The following DRD2 variants were observed in gnomAD, a reference collection of about 807,000 sequenced individuals.
DRD2 encodes dopamine receptor D2, also known as D(2) dopamine receptor.
In DRD2, 8 loss-of-function variants were observed where a neutral mutation model predicts 38.0. The observed-to-expected ratio is 0.21, with a 90% CI of 0.12 to 0.38. The LOEUF is 0.38. Among genes scored for constraint, DRD2 ranks in the 10% least tolerant of loss-of-function variants. The pLI is 1.00. For missense variants in DRD2, 403 were observed against 607.7 expected (o/e 0.66, Z 3.54); for synonymous variants, 230 against 238.6 (o/e 0.96, Z 0.33).
At chr11:113,466,116 C>T (rs1050392448) in intron 1 of DRD2, among the ~76,000 whole-genome samples, 1 of 152,192 alleles carries the variant, frequency 6.6e-6, no homozygotes, top group Non-Finnish European at 1.5e-5. Flanking sequence ...AGATCTGATC[C>T]TGCATTAGCC....
At chr11:113,414,344 C>G (rs189493022) in intron 6 of DRD2, 31 bp downstream of exon 6, 1 of 1,603,586 alleles carries the variant, frequency 6.2e-7, no homozygotes. Flanking sequence ...GCAGAAAGAC[C>G]TGGCTCTGGG....
Position 113,414,480 on chromosome 11 carries a change from C to A in DRD2, c.724-19G>T. 6.2e-7 allele frequency: 1 copy of A among 1,613,908 alleles called. No homozygotes were observed. The highest frequency in any genetic ancestry group is 8.5e-7 in the Non-Finnish European group (1 of 1,179,884). Reference sequence around the variant, plus strand: ...AGTTGCCCTGTGGAGTGAGCCAGCACATGGGTCACACAAAGTGGTGGGGAT... The same window carrying A: ...AGTTGCCCTGTGGAGTGAGCCAGCAAATGGGTCACACAAAGTGGTGGGGAT... On this transcript the variant is annotated intron_variant, in intron 5 of 7. Coordinates refer to ENST00000362072, the MANE Select transcript of DRD2 (RefSeq NM_000795.4).
At position 113,418,344 on chromosome 11, in the gene DRD2, C is replaced by T. The variant is rs2075654; in HGVS notation, c.286-208G>A. Among the ~76,000 whole-genome samples the T allele has an allele frequency of 0.15, 22,750 of 152,172 alleles. 2,391 individuals carry two copies. Among genetic ancestry groups the T allele is most frequent in the East Asian group, 0.41 (2,132 of 5,148 alleles). On this transcript the variant is annotated intron_variant, in intron 2 of 7. Transcript: ENST00000362072. ...ATCTTCTCCCAGATACATAAGACCA[C>T]TTATTGCCAATTACTGTGCTAGAAG...
chr11:113,468,391 C>G (rs1472357524), intron 1 of DRD2, among the ~76,000 whole-genome samples: 1 of 152,220 alleles, frequency 6.6e-6, no homozygotes, highest in African/African-American at 2.4e-5. Context: ...GAGGAGTCTT[C>G]TCACTTATTA....
chr11:113,433,112 G>GA (rs1488807609), intron 1 of DRD2, among the ~76,000 whole-genome samples: 1 of 151,492 alleles, frequency 6.6e-6, no homozygotes, highest in Non-Finnish European at 1.5e-5. Context: ...CTGTGGCGAG[G>GA]AAAAAAAGGA....
Position 113,412,641 on chromosome 11 carries a change from G to A in DRD2, c.1053C>T (p.Thr351=). The A allele has an allele frequency of 6.2e-7, 1 of 1,614,210 alleles. No individual in the cohort carries two copies. Among genetic ancestry groups the A allele is most frequent in the Non-Finnish European group, 8.5e-7 (1 of 1,180,038 alleles). The change falls in exon 7 of 8, where the codon ACC becomes ACT. Residue 351 remains threonine (T), a synonymous_variant. Coordinates refer to ENST00000362072, the MANE Select transcript of DRD2 (RefSeq NM_000795.4). ...FEIQTMPNGK[T]RTSLKTMSRR... Reference sequence around the variant, plus strand: ...GGCTCATGGTCTTGAGGGAGGTCCGGGTTTTGCCATTGGGCATGGTCTGGA... The same window carrying A: ...GGCTCATGGTCTTGAGGGAGGTCCGAGTTTTGCCATTGGGCATGGTCTGGA...
chr11:113,435,715 G>A (rs889592174), intron 1 of DRD2, among the ~76,000 whole-genome samples: 1 of 151,392 alleles, frequency 6.6e-6, no homozygotes, highest in Non-Finnish European at 1.5e-5. Context: ...TGCCCCAGGG[G>A]CTACACAGGG....
chr11:113,448,650 G>A (rs1412352997), intron 1 of DRD2, among the ~76,000 whole-genome samples: 2 of 152,324 alleles, frequency 1.3e-5, no homozygotes, highest in Admixed American at 6.5e-5. Flanking sequence ...TCATCCAAGG[G>A]CACGGGTACA....
intron 1 of DRD2, among the ~76,000 whole-genome samples, chr11:113,472,449 G>A (rs1951438073): frequency 6.6e-6 from 1 of 152,176 alleles, no homozygotes; most frequent in Non-Finnish European, 1.5e-5. Flanking sequence ...AAGAACAGAA[G>A]CGTTTGTCTC....
intron 6 of DRD2, chr11:113,413,326 C>A (rs773205917): frequency 3.8e-6 from 2 of 532,606 alleles, no homozygotes; most frequent in Non-Finnish European, 7.4e-6. Context: ...GCTCCCACTT[C>A]ATGGGTACCT....
At chr11:113,428,092 A>G (rs1950956029) in intron 1 of DRD2, among the ~76,000 whole-genome samples, 1 of 152,168 alleles carries the variant, frequency 6.6e-6, no homozygotes, top group Non-Finnish European at 1.5e-5. Context: ...ACTATGAGGA[A>G]ACAGATTTCT....
chr11:113,414,540 A>G (rs1404697821), intron 5 of DRD2, 79 bp from the exon 6 acceptor site: 22 of 1,475,478 alleles, frequency 1.5e-5, no homozygotes, highest in Admixed American at 1.0e-4. Context: ...GCAGCAGTCC[A>G]TGGAACTCAG....
intron 1 of DRD2, among the ~76,000 whole-genome samples, chr11:113,440,994 G>A (rs994771518): frequency 2.6e-5 from 4 of 152,224 alleles, no homozygotes; most frequent in African/African-American, 9.6e-5. Context: ...AAGTGAAGAT[G>A]AATTAGCAGT....
In DRD2 at chr11:113,410,410, A is replaced by C; in HGVS notation, c.*317T>G. 6.2e-6 allele frequency: 3 copies of C among 486,584 alleles called. No individual in the cohort carries two copies. Among genetic ancestry groups the C allele is most frequent in the Non-Finnish European group, 7.6e-6 (2 of 264,074 alleles). The allele number at this position is 486,584 out of a possible 1,614,324, so 30.1% of individuals were successfully genotyped here. ...CCAGCAACCCTAGAGCCCCAGAGGA[A>C]GGTCAAGGAAGGCGGCTGCATCTTT... On this transcript the variant is annotated 3_prime_UTR_variant, in exon 8 of 8. Transcript: ENST00000362072.
chr11:113,429,558 C>T (rs953985527), intron 1 of DRD2, among the ~76,000 whole-genome samples: 3 of 152,170 alleles, frequency 2.0e-5, no homozygotes, highest in African/African-American at 7.2e-5. Context: ...ACAGGGCTAT[C>T]TTTTAACACC....
At chr11:113,463,553 AG>A (rs1313567257) in intron 1 of DRD2, among the ~76,000 whole-genome samples, 1 of 152,220 alleles carries the variant, frequency 6.6e-6, no homozygotes, top group South Asian at 2.1e-4. Flanking sequence ...CACTTGCTGG[AG>A]GAGCATTCCA....
At chr11:113,428,067 G>A (rs1396348889) in intron 1 of DRD2, among the ~76,000 whole-genome samples, 7 of 152,146 alleles carry the variant, frequency 4.6e-5, no homozygotes, top group Non-Finnish European at 1.0e-4. Flanking sequence ...GATCTGGGAC[G>A]TCCCAGCCTC....
chr11:113,417,437 A>C (rs1591276185), intron 3 of DRD2, among the ~76,000 whole-genome samples: 2 of 151,660 alleles, frequency 1.3e-5, no homozygotes. Context: ...AATTGTCTAC[A>C]ATCCTTCATC....
chr11:113,411,829 G>A (rs1373409689), intron 7 of DRD2: 1 of 152,608 alleles, frequency 6.6e-6, no homozygotes, highest in Non-Finnish European at 1.5e-5. Flanking sequence ...CAGTCAAAGG[G>A]GATTCAGGTG....
Sources: allele counts gnomAD v4.1 joint callset (sites outside exome capture counted in the v4.1 genomes callset), GRCh38; gene constraint gnomAD v4.1.1; transcripts MANE v1.5; gene names NCBI Gene and HGNC (gene_info 2026-07-23, HGNC 2026-07-21).